SH3PXD2A: variants seen among roughly 807,000 people sequenced by gnomAD.
SH3PXD2A encodes the protein SH3 and PX domain-containing protein 2A.
A neutral mutation model predicts 115.2 loss-of-function variants in SH3PXD2A; 32 were observed. The ratio of observed to expected loss-of-function variants is 0.28; its 90% confidence interval spans 0.21 to 0.37. The LOEUF (loss-of-function observed/expected upper bound fraction) is 0.37. Among genes scored for constraint, SH3PXD2A ranks in the 10% least tolerant of loss-of-function variants. The pLI, the probability that SH3PXD2A is intolerant of heterozygous loss-of-function variation, is 1.00. For synonymous variants in SH3PXD2A, 610 were observed against 629.1 expected, an observed-to-expected ratio of 0.97 and a Z score of 0.45; for missense variants, 1,328 against 1,498.7, an observed-to-expected ratio of 0.89 and a Z score of 1.88.
chr10:103,640,737 A>T (rs2036943257), intron 8 of SH3PXD2A, among the ~76,000 whole-genome samples: 3 of 152,240 alleles, frequency 2.0e-5, no homozygotes, highest in South Asian at 4.1e-4. Flanking sequence ...TCCCTAAGGA[A>T]TGCTGGGAGA....
At chr10:103,660,449 G>A (rs1592287154) in intron 8 of SH3PXD2A, among the ~76,000 whole-genome samples, 1 of 152,310 alleles carries the variant, frequency 6.6e-6, no homozygotes, top group African/African-American at 2.4e-5. Flanking sequence ...TCCAGGTCCT[G>A]GGGCCTCCAG....
At chr10:103,806,576 C>T (rs984944090) in intron 1 of SH3PXD2A, among the ~76,000 whole-genome samples, 3 of 152,186 alleles carry the variant, frequency 2.0e-5, no homozygotes, top group Admixed American at 2.0e-4. Context: ...CAGATAGACT[C>T]TCCTCCAGCC....
At chr10:103,611,162 G>C (rs967363773) in intron 13 of SH3PXD2A, among the ~76,000 whole-genome samples, 2 of 152,206 alleles carry the variant, frequency 1.3e-5, no homozygotes, top group South Asian at 4.1e-4. Flanking sequence ...TCTGCCCTCT[G>C]CCCTCCCAGA....
At chr10:103,708,715 C>A (rs1295125697) in intron 5 of SH3PXD2A, among the ~76,000 whole-genome samples, 1 of 152,200 alleles carries the variant, frequency 6.6e-6, no homozygotes, top group East Asian at 1.9e-4. Context: ...AGATCTGCTT[C>A]TGGGAAATTC....
intron 4 of SH3PXD2A, among the ~76,000 whole-genome samples, chr10:103,724,575 C>T (rs952713782): frequency 3.9e-5 from 6 of 151,938 alleles, no homozygotes; most frequent in Admixed American, 3.3e-4. Context: ...CCTTCCTTCC[C>T]TCCCTCTTTC....
intron 5 of SH3PXD2A, among the ~76,000 whole-genome samples, chr10:103,696,380 G>A (rs1715644372): frequency 6.6e-6 from 1 of 152,144 alleles, no homozygotes. Context: ...AGACGCAAAG[G>A]CAGGGATCCC....
chr10:103,602,142 C>T lies in SH3PXD2A; in HGVS notation c.3076G>A (p.Ala1026Thr), dbSNP rs752596549. ...TCGGCCAGGCGGCCCTTGGCCTCGG[C>T]GGCAGCGGAGCGAGCAGTGCTAAAG... is the stretch of plus-strand genomic sequence containing the variant. ...SSFSTARSAA[A>T]EAKGRLAERA... is the part of the protein sequence containing the mutation. The change falls in exon 15 of 15, where the codon GCC (alanine) becomes ACC (threonine). Residue 1026 changes from alanine to threonine, a missense_variant. By Grantham distance (58) the Ala-to-Thr change is moderately conservative. Around this residue, in one of 5 missense-constraint regions of SH3PXD2A, gnomAD observed 574 missense variants for 565.7 expected, o/e 1.01. Transcript: ENST00000369774. 19 of 1,577,138 alleles carry T rather than the reference C, an allele frequency of 1.2e-5. No individual in the cohort carries two copies. The highest frequency in any genetic ancestry group is 1.3e-5 in the Non-Finnish European group (15 of 1,159,740).
chr10:103,639,633 GA>G (rs577753878), intron 8 of SH3PXD2A, among the ~76,000 whole-genome samples: 17,364 of 88,672 alleles, frequency 0.2, 1,192 homozygotes, highest in Admixed American at 0.29. Flanking sequence ...AAAAGAAAAA[GA>G]AAAAAAAAAA....
intron 3 of SH3PXD2A, among the ~76,000 whole-genome samples, chr10:103,750,998 G>A (rs983700594): frequency 2.0e-5 from 3 of 152,300 alleles, no homozygotes; most frequent in South Asian, 2.1e-4. Flanking sequence ...AGCGGGAAAC[G>A]GACTTTTTCT....
intron 6 of SH3PXD2A, among the ~76,000 whole-genome samples, chr10:103,683,120 G>A (rs1298545948): frequency 1.3e-5 from 2 of 152,088 alleles, no homozygotes; most frequent in Non-Finnish European, 2.9e-5. Flanking sequence ...AACACTTTAG[G>A]AGGCTGAGGC....
intron 6 of SH3PXD2A, among the ~76,000 whole-genome samples, chr10:103,687,323 T>C (rs1156280538): frequency 6.6e-6 from 1 of 152,170 alleles, no homozygotes; most frequent in African/African-American, 2.4e-5. Context: ...GCTTAATATA[T>C]ACCTCCCACT....
At chr10:103,623,670 C>T (rs1301013929) in intron 9 of SH3PXD2A, among the ~76,000 whole-genome samples, 1 of 152,174 alleles carries the variant, frequency 6.6e-6, no homozygotes, top group African/African-American at 2.4e-5. Flanking sequence ...CCAGGCCCCA[C>T]TGCCAGCAAC....
intron 1 of SH3PXD2A, among the ~76,000 whole-genome samples, chr10:103,834,730 G>C (rs1191649892): frequency 6.6e-6 from 1 of 152,172 alleles, no homozygotes; most frequent in African/African-American, 2.4e-5. Context: ...TCTAGGAGTT[G>C]GTGCTACTTT....
At position 103,668,465 on chromosome 10, in the gene SH3PXD2A, G is replaced by A. The variant is rs1592291418; in HGVS notation, c.472+143C>T. On this transcript the variant is annotated intron_variant, in intron 7 of 14. Coordinates refer to ENST00000369774, the MANE Select transcript of SH3PXD2A (RefSeq NM_001394015.1). ...TCTGACTGGGGAGGCAGAGGGCACA[G>A]CAAGTGGCAGACCCCCTGCCATGCT... 1.3e-5 allele frequency: 9 copies of A among 718,034 alleles called. No homozygotes were observed. The East Asian group carries it at 2.5e-4, about 20-fold the overall frequency. 44.5% of individuals were successfully genotyped at this position (718,034 alleles called of 1,614,324 possible). A position where few individuals can be genotyped will look rare whatever the true frequency, so the allele number is the denominator to read the frequency against.
rs574453801 is a variant in SH3PXD2A at position 103,601,563 on chromosome 10, C to T, written c.*253G>A. On this transcript the variant is annotated 3_prime_UTR_variant, in exon 15 of 15. Transcript: ENST00000369774. ...GCACAGGATATCTCAGCTTTCTTGG[C>T]TCTGGGTCCCAGGCCTGGGACTCCC... 1.7e-5 allele frequency: 7 copies of T among 415,424 alleles called. No individual in the cohort carries two copies. In the South Asian group the frequency reaches 2.3e-4, roughly 14 times the overall value. 25.7% of individuals were successfully genotyped at this position (415,424 alleles called of 1,614,324 possible).
intron 1 of SH3PXD2A, among the ~76,000 whole-genome samples, chr10:103,820,346 T>C (rs1213062591): frequency 6.6e-6 from 1 of 151,846 alleles, no homozygotes; most frequent in Non-Finnish European, 1.5e-5. Context: ...TGCTCCCAGG[T>C]CCCCTCAGGA....
chr10:103,648,273 T>C (rs995428570), intron 8 of SH3PXD2A, among the ~76,000 whole-genome samples: 3 of 152,152 alleles, frequency 2.0e-5, no homozygotes, highest in African/African-American at 7.2e-5. Context: ...AGCCCTCCAA[T>C]GTTTGGCTTT....
Position 103,727,075 on chromosome 10 carries a change from A to T in SH3PXD2A, c.307-2714T>A, listed in dbSNP as rs1358909668. Among the ~76,000 whole-genome samples, 3 of 152,184 alleles carry T rather than the reference A, an allele frequency of 2.0e-5. No individual in the cohort carries two copies. In the East Asian group the frequency reaches 5.8e-4, roughly 29 times the overall value. ...GAGGGCTTTGCAGTGTGTGCTGCAT[A>T]TGGGGCTGTGCCTGGTTTTACAGGG... is the stretch of plus-strand genomic sequence containing the variant. On this transcript the variant is annotated intron_variant, in intron 4 of 14. Coordinates refer to ENST00000369774, the MANE Select transcript of SH3PXD2A (RefSeq NM_001394015.1).
At chr10:103,659,330 G>A (rs763818714) in intron 8 of SH3PXD2A, among the ~76,000 whole-genome samples, 6 of 152,190 alleles carry the variant, frequency 3.9e-5, no homozygotes, top group Non-Finnish European at 5.9e-5. Flanking sequence ...ACAGGCAGGC[G>A]TGGTGGGAGA....
Sources: allele counts gnomAD v4.1 joint callset (sites outside exome capture counted in the v4.1 genomes callset), GRCh38; gene constraint gnomAD v4.1.1; regional missense constraint gnomAD v4.1.1; transcripts MANE v1.5; gene names NCBI Gene and HGNC (gene_info 2026-07-23, HGNC 2026-07-21).